Variants in RHOBTB1 observed in about 807,000 individuals in gnomAD.
RHOBTB1 encodes Rho related BTB domain containing 1, also known as rho-related BTB domain-containing protein 1.
In RHOBTB1, 40 loss-of-function variants were observed where a neutral mutation model predicts 71.6. The ratio of observed to expected loss-of-function variants is 0.56; its 90% CI spans 0.43 to 0.73. RHOBTB1 has a LOEUF of 0.73. Ranked by LOEUF, RHOBTB1 falls within the 30% of genes least tolerant of loss-of-function variation. The pLI is 0.00. For synonymous variants in RHOBTB1, 319 were observed against 334.9 expected (o/e 0.95, Z 0.52); for missense variants, 797 against 894.0 (o/e 0.89, Z 1.38).
intron 2 of RHOBTB1, among the ~76,000 whole-genome samples, chr10:60,937,228 C>A (rs1485986012): frequency 6.6e-6 from 1 of 152,200 alleles, no homozygotes; most frequent in Admixed American, 6.5e-5. Flanking sequence ...GCACAAAACA[C>A]TTCCCAGTGA....
chr10:60,886,288 A>C, intron 6 of RHOBTB1, 58 bp from the exon 7 acceptor site: 1 of 1,285,310 alleles, frequency 7.8e-7, no homozygotes, highest in South Asian at 1.2e-5. Flanking sequence ...GCTTCAACCA[A>C]GGCTTCTGCT....
intron 7 of RHOBTB1, among the ~76,000 whole-genome samples, chr10:60,879,405 G>A (rs1365941647): frequency 1.3e-5 from 2 of 152,050 alleles, no homozygotes; most frequent in Non-Finnish European, 2.9e-5. Context: ...GGACTGCAGT[G>A]GCTTGATGAT....
At chr10:60,903,208 A>T (rs1299612678) in intron 4 of RHOBTB1, among the ~76,000 whole-genome samples, 2 of 152,170 alleles carry the variant, frequency 1.3e-5, no homozygotes, top group Non-Finnish European at 2.9e-5. Flanking sequence ...TAGGTGGGAT[A>T]GGGGCCTAAA....
chr10:60,867,494 T>C (rs1013353756), downstream of RHOBTB1, among the ~76,000 whole-genome samples: 3 of 152,254 alleles, frequency 2.0e-5, no homozygotes, highest in African/African-American at 7.2e-5. Flanking sequence ...CTGTGGAAAC[T>C]GAACGACAGG....
intron 2 of RHOBTB1, among the ~76,000 whole-genome samples, chr10:60,935,441 C>T (rs937959683): frequency 1.3e-5 from 2 of 152,016 alleles, no homozygotes; most frequent in South Asian, 2.1e-4. Flanking sequence ...TTGTTATATA[C>T]TGATAATTTT....
chr10:60,983,338 CTG>C (rs1256439746), intron 2 of RHOBTB1, among the ~76,000 whole-genome samples: 1 of 152,016 alleles, frequency 6.6e-6, no homozygotes, highest in Non-Finnish European at 1.5e-5. Context: ...TAACAATTAA[CTG>C]AATGAAATTT....
chr10:60,889,144 C>T lies in RHOBTB1; in HGVS notation c.524G>A (p.Arg175Gln), dbSNP rs1157759221. 20 of 1,612,986 alleles carry T rather than the reference C, an allele frequency of 1.2e-5. No individual in the cohort carries two copies. The highest frequency in any genetic ancestry group is 9.3e-5 in the African/African-American group (7 of 74,878). ...TAAGCCAAGTTCCTTTGCTACCTCTCGGCCTTTTTCTGGGGGCAAAATATC... is the reference window on the plus strand; with the variant it reads ...TAAGCCAAGTTCCTTTGCTACCTCTTGGCCTTTTTCTGGGGGCAAAATATC... ...RGDILPPEKG[R>Q]EVAKELGLPY... The change falls in exon 6 of 11, where the codon CGA becomes CAA. Residue 175 changes from arginine to glutamine, a missense_variant. Coordinates refer to ENST00000337910, the MANE Select transcript of RHOBTB1 (RefSeq NM_014836.5).
intron 2 of RHOBTB1, among the ~76,000 whole-genome samples, chr10:60,917,368 G>A (rs2083320723): frequency 6.6e-6 from 1 of 152,116 alleles, no homozygotes; most frequent in Non-Finnish European, 1.5e-5. Flanking sequence ...CCTCTAAAAA[G>A]CTTTTCTAAC....
chr10:60,952,149 G>C (rs990759354), intron 2 of RHOBTB1, among the ~76,000 whole-genome samples: 5 of 151,216 alleles, frequency 3.3e-5, no homozygotes, highest in African/African-American at 4.9e-5. Flanking sequence ...ATATATAAAG[G>C]CCAGCTATAT....
At chr10:60,957,179 A>C (rs1175654966) in intron 2 of RHOBTB1, among the ~76,000 whole-genome samples, 4 of 152,238 alleles carry the variant, frequency 2.6e-5, no homozygotes, top group Non-Finnish European at 5.9e-5. Flanking sequence ...TACAAACAGG[A>C]GTACGTTCTA....
intron 2 of RHOBTB1, among the ~76,000 whole-genome samples, chr10:60,958,513 A>AT (rs527871012): frequency 6.6e-6 from 1 of 151,946 alleles, no homozygotes; most frequent in Non-Finnish European, 1.5e-5. Context: ...TTTCCAAAAC[A>AT]TTTTTTTTCA....
At chr10:60,983,520 TC>T (rs1361882410) in intron 2 of RHOBTB1, among the ~76,000 whole-genome samples, 1 of 152,158 alleles carries the variant, frequency 6.6e-6, no homozygotes, top group Non-Finnish European at 1.5e-5. Flanking sequence ...GGATATCATT[TC>T]TTTCTTTCTT....
rs1201182651 is a variant in RHOBTB1, at chr10:60,939,793, C to T, written c.-11+2011G>A. On this transcript the variant is annotated intron_variant, in intron 2 of 10. Coordinates refer to ENST00000337910, the MANE Select transcript of RHOBTB1 (RefSeq NM_014836.5). Reference sequence around the variant, plus strand: ...AAAAATGGCAGAATTTCAAATGTTTCCAGCCATTTTTAAAGAGGTAAGTCA... The same window carrying T: ...AAAAATGGCAGAATTTCAAATGTTTTCAGCCATTTTTAAAGAGGTAAGTCA... Among the ~76,000 whole-genome samples, 3 of 152,266 alleles carry T rather than the reference C, an allele frequency of 2.0e-5. No individual in the cohort carries two copies. In the South Asian group the frequency reaches 6.2e-4, roughly 32 times the overall value.
chr10:60,917,083 C>T (rs2083306716), intron 2 of RHOBTB1, among the ~76,000 whole-genome samples: 1 of 152,186 alleles, frequency 6.6e-6, no homozygotes, highest in South Asian at 2.1e-4. Context: ...CCATGTCAGA[C>T]CTTTGATTTT....
chr10:60,996,304 T>C (rs1047480245), intron 1 of RHOBTB1, among the ~76,000 whole-genome samples: 1 of 152,236 alleles, frequency 6.6e-6, no homozygotes, highest in African/African-American at 2.4e-5. Flanking sequence ...CTGCCCAAGC[T>C]GATTTATCAG....
chr10:60,871,758 C>T lies in RHOBTB1; in HGVS notation c.1922-107G>A, dbSNP rs1186207289. 2.4e-5 allele frequency: 25 copies of T among 1,047,640 alleles called. No homozygotes were observed. In the Admixed American group the frequency reaches 2.6e-4, roughly 11 times the overall value. 64.9% of individuals were successfully genotyped at this position (1,047,640 alleles called of 1,614,324 possible). On this transcript the variant is annotated intron_variant, in intron 10 of 10. Coordinates refer to ENST00000337910, the MANE Select transcript of RHOBTB1 (RefSeq NM_014836.5). Reference sequence around the variant, plus strand: ...CAAATATCCTCTCAAAAACGTGATGCGGCAGAGACTGTGATTAGGGCCATT... The same window carrying T: ...CAAATATCCTCTCAAAAACGTGATGTGGCAGAGACTGTGATTAGGGCCATT...
chr10:60,968,532 C>T (rs1324544353), intron 2 of RHOBTB1, among the ~76,000 whole-genome samples: 1 of 152,070 alleles, frequency 6.6e-6, no homozygotes, highest in East Asian at 1.9e-4. Context: ...TCAATGAAAC[C>T]TACTGAGCCC....
rs377555430 is a variant in RHOBTB1 at position 60,954,630 on chromosome 10, G to A, written c.-61-12776C>T. Among the ~76,000 whole-genome samples, 243 of 152,182 alleles carry A rather than the reference G, an allele frequency of 1.6e-3. 1 individual carries two copies. The highest frequency in any genetic ancestry group is 5.3e-3 in the African/African-American group (222 of 41,532). On this transcript the variant is annotated intron_variant, in intron 2 of 11. Transcript: ENST00000357917. ...AAAATTCAAGTGTCAGTGGTGTCGCGTATTCTTATTTGATAAATCTGGAAA... is the reference window on the plus strand; with the variant it reads ...AAAATTCAAGTGTCAGTGGTGTCGCATATTCTTATTTGATAAATCTGGAAA...
chr10:60,997,932 C>A (rs1317625110), intron 1 of RHOBTB1, among the ~76,000 whole-genome samples: 1 of 152,168 alleles, frequency 6.6e-6, no homozygotes, highest in South Asian at 2.1e-4. Context: ...GTTTATAAGT[C>A]AGAAGGCTTA....
Sources: allele counts gnomAD v4.1 joint callset (sites outside exome capture counted in the v4.1 genomes callset), GRCh38; gene constraint gnomAD v4.1.1; transcripts MANE v1.5; gene names NCBI Gene and HGNC (gene_info 2026-07-23, HGNC 2026-07-21).